The following CDK5RAP2 variants were observed in gnomAD, a reference collection of about 807,000 sequenced individuals.
CDK5RAP2 encodes the protein CDK5 regulatory subunit-associated protein 2.
A neutral mutation model predicts 232.9 loss-of-function variants in CDK5RAP2; 147 were observed. The ratio of observed to expected loss-of-function variants is 0.63; its 90% CI spans 0.55 to 0.72. The LOEUF is 0.72. Among genes scored for constraint, CDK5RAP2 ranks in the 30% least tolerant of loss-of-function variants. The probability of loss-of-function intolerance (pLI) is 0.00; values close to 1 mark genes in which losing one functional copy is unlikely to be tolerated. For synonymous variants in CDK5RAP2, 833 were observed against 833.7 expected (o/e 1.00, Z 0.01); for missense variants, 2,195 against 2,231.5 (o/e 0.98, Z 0.33).
chr9:120,437,646 T>C (rs1183677427), intron 24 of CDK5RAP2, 119 bp from the exon 25 acceptor site: 5 of 732,742 alleles, frequency 6.8e-6, no homozygotes, highest in Non-Finnish European at 1.2e-5. Flanking sequence ...TGTACAAGTA[T>C]ATATACTTTT....
intron 10 of CDK5RAP2, 21 bp downstream of exon 10, chr9:120,527,785 C>A (rs749037965): frequency 3.1e-6 from 5 of 1,612,138 alleles, no homozygotes; most frequent in Non-Finnish European, 4.2e-6. Flanking sequence ...AAAAATCTTA[C>A]TTCAAGTGTA....
intron 32 of CDK5RAP2, among the ~76,000 whole-genome samples, chr9:120,404,842 G>A (rs1403838094): frequency 1.3e-5 from 2 of 152,222 alleles, no homozygotes; most frequent in Non-Finnish European, 2.9e-5. Flanking sequence ...AATAGATGCT[G>A]TACAGATGAC....
intron 31 of CDK5RAP2, chr9:120,407,970 G>C (rs992221822): frequency 1.3e-5 from 4 of 315,758 alleles, no homozygotes; most frequent in African/African-American, 2.1e-5. Flanking sequence ...CAGGTATCTT[G>C]CTAGGATGCT....
intron 21 of CDK5RAP2, 79 bp downstream of exon 21, chr9:120,453,377 A>T: frequency 7.6e-7 from 1 of 1,316,548 alleles, no homozygotes; most frequent in Non-Finnish European, 1.1e-6. Context: ...ATGGGAAAAA[A>T]GTGGTGAGAT....
intron 14 of CDK5RAP2, among the ~76,000 whole-genome samples, chr9:120,479,828 T>G (rs2038210014): frequency 1.3e-5 from 2 of 152,152 alleles, no homozygotes; most frequent in South Asian, 4.1e-4. Context: ...ACTGATGAAA[T>G]TCAAATGAGT....
At chr9:120,456,711 CAT>C (rs2131426792) in intron 20 of CDK5RAP2, among the ~76,000 whole-genome samples, 1 of 152,278 alleles carries the variant, frequency 6.6e-6, no homozygotes, top group Non-Finnish European at 1.5e-5. Context: ...GCCTCTTTAA[CAT>C]AGATTAAAAA....
chr9:120,525,549 T>G (rs1302212943), intron 10 of CDK5RAP2, among the ~76,000 whole-genome samples: 1 of 151,954 alleles, frequency 6.6e-6, no homozygotes, highest in Non-Finnish European at 1.5e-5. Flanking sequence ...CTGACACCAG[T>G]GTCCTGACAC....
intron 21 of CDK5RAP2, among the ~76,000 whole-genome samples, chr9:120,449,042 C>CAAT (rs2036349985): frequency 6.6e-6 from 1 of 152,208 alleles, no homozygotes; most frequent in Admixed American, 6.5e-5. Flanking sequence ...CTTTCCAGTT[C>CAAT]TATCAAGACA....
chr9:120,521,940 TG>T (rs1370900359), intron 11 of CDK5RAP2, among the ~76,000 whole-genome samples: 4 of 152,270 alleles, frequency 2.6e-5, no homozygotes, highest in Admixed American at 2.0e-4. Flanking sequence ...CCACCGCACC[TG>T]GCCTAAACCT....
At chr9:120,572,116 A>G in intron 1 of CDK5RAP2, 75 bp from the exon 2 acceptor site, 1 of 1,139,830 alleles carries the variant, frequency 8.8e-7, no homozygotes, top group Non-Finnish European at 1.3e-6. Flanking sequence ...TCTGGACTGC[A>G]CATGACAATC....
At chr9:120,560,742 A>G (rs1458988776) in intron 3 of CDK5RAP2, among the ~76,000 whole-genome samples, 1 of 152,028 alleles carries the variant, frequency 6.6e-6, no homozygotes, top group Admixed American at 6.5e-5. Context: ...TTAGCCTCCC[A>G]AGTAGCTGGG....
At chr9:120,508,192 T>A (rs2039920796) in intron 12 of CDK5RAP2, among the ~76,000 whole-genome samples, 1 of 151,978 alleles carries the variant, frequency 6.6e-6, no homozygotes, top group Non-Finnish European at 1.5e-5. Context: ...CAAAGGAAAT[T>A]TCTCCACAAT....
At chr9:120,540,795 C>T (rs1314802945) in intron 5 of CDK5RAP2, among the ~76,000 whole-genome samples, 1 of 152,254 alleles carries the variant, frequency 6.6e-6, no homozygotes, top group African/African-American at 2.4e-5. Flanking sequence ...GCCTGTTCCT[C>T]TCTGATCAGA....
chr9:120,547,926 T>C (rs2041909220), intron 4 of CDK5RAP2, among the ~76,000 whole-genome samples: 1 of 152,192 alleles, frequency 6.6e-6, no homozygotes, highest in East Asian at 1.9e-4. Flanking sequence ...AGAAGCACAA[T>C]ACTTTAACTG....
At chr9:120,398,522 T>C (rs2032719624) in intron 35 of CDK5RAP2, among the ~76,000 whole-genome samples, 1 of 152,216 alleles carries the variant, frequency 6.6e-6, no homozygotes. Flanking sequence ...CCATATACAG[T>C]AAGGTTTGTT....
In CDK5RAP2 at chr9:120,545,723, A is replaced by T. The variant is rs1463923857; in HGVS notation, c.374T>A (p.Ile125Asn). ...GGATGATGGTACTCACGAGGCTTTGATGAGCAGCTGCTCTCTCTCCTGGAG... is the reference window on the plus strand; with the variant it reads ...GGATGATGGTACTCACGAGGCTTTGTTGAGCAGCTGCTCTCTCTCCTGGAG... ...RELQEREQLL[I>N]KASKAVESLA... is the part of the protein sequence containing the mutation. Residue 125 changes from isoleucine (I) to asparagine (N), a missense_variant, in exon 5 of 38, where the codon ATC becomes AAC. Transcript: ENST00000349780. The T allele has an allele frequency of 6.2e-7, 1 of 1,613,458 alleles. No individual in the cohort carries two copies. The highest frequency in any genetic ancestry group is 1.3e-5 in the African/African-American group (1 of 74,938).
At chr9:120,561,275 T>G (rs185015679) in intron 3 of CDK5RAP2, among the ~76,000 whole-genome samples, 15 of 152,302 alleles carry the variant, frequency 9.8e-5, no homozygotes, top group Non-Finnish European at 2.2e-4. Flanking sequence ...TAGGTAAGTA[T>G]CTTATAAATA....
intron 18 of CDK5RAP2, 140 bp from the exon 19 acceptor site, chr9:120,460,807 A>C: frequency 7.1e-7 from 1 of 1,417,062 alleles, no homozygotes; most frequent in Non-Finnish European, 9.6e-7. Context: ...CAAATGCCAA[A>C]GCCATGAAAT....
At chr9:120,437,631 G>A in intron 24 of CDK5RAP2, 104 bp from the exon 25 acceptor site, 1 of 834,048 alleles carries the variant, frequency 1.2e-6, no homozygotes, top group Non-Finnish European at 2.1e-6. Context: ...TTAAAAGCCT[G>A]CAGCTGTACA....
Sources: gnomAD v4.1 joint callset for allele counts (sites outside exome capture counted in the v4.1 genomes callset) on GRCh38, gnomAD v4.1.1 for gene constraint, MANE v1.5 for transcripts, NCBI Gene and HGNC (gene_info 2026-07-23, HGNC 2026-07-21) for gene names.